The following FSTL5 variants were observed in gnomAD, a reference collection of about 807,000 sequenced individuals.
The protein encoded by FSTL5 is follistatin like 5.
A neutral mutation model predicts 89.1 loss-of-function variants in FSTL5; 62 were observed. The ratio of observed to expected loss-of-function variants is 0.70; its 90% CI spans 0.57 to 0.86. The LOEUF (loss-of-function observed/expected upper bound fraction) is 0.86. Ranked by LOEUF, FSTL5 falls within the 40% of genes least tolerant of loss-of-function variation. The pLI is 0.00. For missense variants in FSTL5, 1,057 were observed against 1,001.6 expected (o/e 1.06, Z -0.75); for synonymous variants, 383 against 346.2 (o/e 1.11, Z -1.18).
intron 3 of FSTL5, among the ~76,000 whole-genome samples, chr4:161,977,612 CAAAAAAAAAAAAAAAAAA>C (rs796909244): frequency 1.2e-4 from 11 of 95,138 alleles, no homozygotes; most frequent in East Asian, 3.0e-4. Flanking sequence ...GACTCCGTGT[CAAAAAAAAAAAAAAAAAA>C]AAAAAAAAAA....
At chr4:161,767,180 G>A (rs1422910142) in intron 5 of FSTL5, among the ~76,000 whole-genome samples, 14 of 151,870 alleles carry the variant, frequency 9.2e-5, no homozygotes, top group Non-Finnish European at 1.5e-5. Context: ...CTACATGTTG[G>A]CCTGTCAAAA....
chr4:161,477,530 C>T (rs116804718), intron 13 of FSTL5, among the ~76,000 whole-genome samples: 7,691 of 151,064 alleles, frequency 0.051, 198 homozygotes, highest in Admixed American at 0.053. Context: ...AATATTGTTG[C>T]ATATATGTTA....
chr4:161,588,274 C>T (rs953063419), intron 7 of FSTL5, among the ~76,000 whole-genome samples: 7 of 152,064 alleles, frequency 4.6e-5, no homozygotes, highest in Admixed American at 3.9e-4. Context: ...CTGTTAACTG[C>T]ATTCTTCACA....
intron 3 of FSTL5, among the ~76,000 whole-genome samples, chr4:162,009,261 T>C (rs1736695137): frequency 6.6e-6 from 1 of 152,064 alleles, no homozygotes; most frequent in Non-Finnish European, 1.5e-5. Context: ...AGCAGCATTT[T>C]AGAAGGCACT....
At chr4:161,757,291 TAATA>T (rs1740605449) in intron 6 of FSTL5, among the ~76,000 whole-genome samples, 2 of 152,118 alleles carry the variant, frequency 1.3e-5, no homozygotes, top group Non-Finnish European at 2.9e-5. Flanking sequence ...TCAACTTACT[TAATA>T]TTTTGTAGGC....
chr4:161,621,107 C>A (rs1176720412), intron 7 of FSTL5, among the ~76,000 whole-genome samples: 2 of 152,142 alleles, frequency 1.3e-5, no homozygotes, highest in Admixed American at 1.3e-4. Flanking sequence ...GGGACATTCA[C>A]AAGATGTACC....
At chr4:162,033,126 A>G (rs1737601062) in intron 3 of FSTL5, among the ~76,000 whole-genome samples, 1 of 152,220 alleles carries the variant, frequency 6.6e-6, no homozygotes, top group East Asian at 1.9e-4. Context: ...TAAGAATGTG[A>G]CTATAGAGAA....
intron 15 of FSTL5, among the ~76,000 whole-genome samples, chr4:161,420,851 A>G (rs547596666): frequency 6.6e-6 from 1 of 150,440 alleles, no homozygotes; most frequent in Non-Finnish European, 1.5e-5. Context: ...TATATAGGCC[A>G]TAACATATAT....
chr4:161,761,362 T>C (rs1417750933), intron 5 of FSTL5, among the ~76,000 whole-genome samples: 1 of 152,170 alleles, frequency 6.6e-6, no homozygotes, highest in African/African-American at 2.4e-5. Context: ...TGACTTTTCC[T>C]GGGGGCTGGG....
At chr4:161,418,517 G>A (rs908884457) in intron 15 of FSTL5, among the ~76,000 whole-genome samples, 1 of 151,992 alleles carries the variant, frequency 6.6e-6, no homozygotes, top group Non-Finnish European at 1.5e-5. Context: ...CCACCATTAC[G>A]ACAGTGATCA....
At chr4:162,080,859 C>G (rs918444228) in intron 2 of FSTL5, among the ~76,000 whole-genome samples, 1 of 151,484 alleles carries the variant, frequency 6.6e-6, no homozygotes, top group Non-Finnish European at 1.5e-5. Context: ...CAGACAAATC[C>G]TAAATAAATG....
chr4:161,627,631 T>C (rs1297120730), intron 7 of FSTL5, among the ~76,000 whole-genome samples: 2 of 152,166 alleles, frequency 1.3e-5, no homozygotes, highest in African/African-American at 2.4e-5. Context: ...CTTAATGGTT[T>C]ATTACAGAAT....
At chr4:161,463,790 A>C (rs1165524947) in intron 13 of FSTL5, among the ~76,000 whole-genome samples, 1 of 152,196 alleles carries the variant, frequency 6.6e-6, no homozygotes, top group African/African-American at 2.4e-5. Context: ...GCAAAGGATT[A>C]CAAAGAGTCT....
chr4:161,893,441 T>C (rs1423279058), intron 4 of FSTL5, among the ~76,000 whole-genome samples: 1 of 152,148 alleles, frequency 6.6e-6, no homozygotes, highest in Non-Finnish European at 1.5e-5. Flanking sequence ...TTTTTGATTG[T>C]GGTTTTGCTT....
At chr4:161,456,965 C>T (rs1053155615) in intron 14 of FSTL5, among the ~76,000 whole-genome samples, 2 of 152,102 alleles carry the variant, frequency 1.3e-5, no homozygotes, top group Non-Finnish European at 2.9e-5. Flanking sequence ...GGCTGATATG[C>T]TAGCAGCCTA....
At chr4:162,078,330 A>G (rs1729951666) in intron 2 of FSTL5, among the ~76,000 whole-genome samples, 1 of 151,940 alleles carries the variant, frequency 6.6e-6, no homozygotes, top group Non-Finnish European at 1.5e-5. Context: ...TGACAATGAA[A>G]TTCACTGGTC....
chr4:161,957,157 C>T (rs181530131), intron 3 of FSTL5, among the ~76,000 whole-genome samples: 1 of 151,740 alleles, frequency 6.6e-6, no homozygotes, highest in African/African-American at 2.4e-5. Context: ...ATTTAAAACC[C>T]TGAAAATACA....
chr4:162,157,990 C>T (rs892406291), intron 1 of FSTL5, among the ~76,000 whole-genome samples: 7 of 151,986 alleles, frequency 4.6e-5, no homozygotes, highest in African/African-American at 1.4e-4. Context: ...TTCAAGAGCC[C>T]GCCTTAGATT....
chr4:161,896,279 T>C (rs1259966577), intron 4 of FSTL5, among the ~76,000 whole-genome samples: 1 of 152,226 alleles, frequency 6.6e-6, no homozygotes, highest in African/African-American at 2.4e-5. Context: ...CATGAAATAG[T>C]TGTGCTACAC....
Sources: allele counts gnomAD v4.1 joint callset (sites outside exome capture counted in the v4.1 genomes callset), GRCh38; gene constraint gnomAD v4.1.1; transcripts MANE v1.5; gene names NCBI Gene and HGNC (gene_info 2026-07-23, HGNC 2026-07-21).